The following UXS1 variants were observed in gnomAD, a reference collection of about 807,000 sequenced individuals.
UXS1 encodes the protein UDP-glucuronate decarboxylase 1.
In UXS1, 33 loss-of-function variants were observed where a neutral mutation model predicts 62.6. The observed-to-expected ratio is 0.53, with a 90% CI of 0.40 to 0.70. The LOEUF (loss-of-function observed/expected upper bound fraction) is 0.70. Among genes scored for constraint, UXS1 ranks in the 30% least tolerant of loss-of-function variants. The pLI, the probability that UXS1 is intolerant of heterozygous loss-of-function variation, is 0.00. For missense variants in UXS1, 434 were observed against 556.3 expected (o/e 0.78, Z 2.21); for synonymous variants, 213 against 206.8 (o/e 1.03, Z -0.26).
At chr2:106,126,551 G>A (rs1326406057) in intron 7 of UXS1, among the ~76,000 whole-genome samples, 1 of 152,210 alleles carries the variant, frequency 6.6e-6, no homozygotes, top group Non-Finnish European at 1.5e-5. Context: ...GCTTCTGGGT[G>A]AGGCTGGGTG....
intron 8 of UXS1, 31 bp downstream of exon 8, chr2:106,125,589 T>C: frequency 1.3e-6 from 2 of 1,539,432 alleles, no homozygotes; most frequent in Non-Finnish European, 1.8e-6. Flanking sequence ...AGGGCTGGAG[T>C]GAACATCTCC....
chr2:106,094,006 G>A lies in UXS1; in HGVS notation c.*20C>T. 1 of 1,594,560 alleles carries A rather than the reference G, an allele frequency of 6.3e-7. No homozygotes were observed. Among genetic ancestry groups the A allele is most frequent in the Non-Finnish European group, 8.5e-7 (1 of 1,174,196 alleles). ...CCATCAAGTGTACAATGGTAGTCTT[G>A]TGTCCTAAAAGTGAGGAGTTCAGCT... On this transcript the variant is annotated 3_prime_UTR_variant, in exon 15 of 15. Coordinates refer to ENST00000283148, the MANE Select transcript of UXS1 (RefSeq NM_001253875.2).
At chr2:106,118,778 C>T (rs1012408786) in intron 9 of UXS1, among the ~76,000 whole-genome samples, 12 of 152,184 alleles carry the variant, frequency 7.9e-5, no homozygotes, top group African/African-American at 2.9e-4. Context: ...AGAAATTTTT[C>T]TATAAAAAAA....
intron 4 of UXS1, among the ~76,000 whole-genome samples, chr2:106,158,424 G>A (rs1371010139): frequency 6.6e-6 from 1 of 152,208 alleles, no homozygotes; most frequent in East Asian, 1.9e-4. Flanking sequence ...ACCTCTATTA[G>A]TCCAGATAAA....
intron 1 of UXS1, among the ~76,000 whole-genome samples, chr2:106,182,326 G>A (rs1684296528): frequency 6.6e-6 from 1 of 152,210 alleles, no homozygotes; most frequent in Non-Finnish European, 1.5e-5. Context: ...GCGGGCAGTG[G>A]CTTGAACAAG....
At chr2:106,125,220 T>G (rs1387703963) in intron 8 of UXS1, among the ~76,000 whole-genome samples, 3 of 152,158 alleles carry the variant, frequency 2.0e-5, no homozygotes, top group Non-Finnish European at 4.4e-5. Context: ...CAGCAAGCTT[T>G]AAAGGCCAGC....
Position 106,145,390 on chromosome 2 carries a change from G to A in UXS1, c.292-20C>T. On this transcript the variant is annotated intron_variant, in intron 5 of 14. Coordinates refer to ENST00000283148, the MANE Select transcript of UXS1 (RefSeq NM_001253875.2). ...TGTTATCTGCATCCGGACAGCGTGTGCAGAGCATTCCCAGAAAAAGCACAT... is the reference window on the plus strand; with the variant it reads ...TGTTATCTGCATCCGGACAGCGTGTACAGAGCATTCCCAGAAAAAGCACAT... 6.3e-7 allele frequency: 1 copy of A among 1,599,190 alleles called. No homozygotes were observed. The highest frequency in any genetic ancestry group is 1.3e-5 in the African/African-American group (1 of 74,708).
chr2:106,125,490 A>AGCC (rs1679860686), intron 8 of UXS1, 130 bp downstream of exon 8: 1 of 804,596 alleles, frequency 1.2e-6, no homozygotes, highest in African/African-American at 1.8e-5. Flanking sequence ...GCCGACAGGT[A>AGCC]GCCTCCTGTG....
At chr2:106,139,261 G>A (rs1680901654) in intron 6 of UXS1, among the ~76,000 whole-genome samples, 1 of 152,130 alleles carries the variant, frequency 6.6e-6, no homozygotes, top group South Asian at 2.1e-4. Context: ...CATTTACAAG[G>A]CCACGTGCTG....
At chr2:106,183,240 T>TTAA (rs1447206184) in intron 1 of UXS1, among the ~76,000 whole-genome samples, 10 of 135,938 alleles carry the variant, frequency 7.4e-5, no homozygotes, top group African/African-American at 8.2e-5. Context: ...AAGTCTTTTT[T>TTAA]AAAAAAAAAA....
At chr2:106,104,253 T>C (rs1246512957) in intron 11 of UXS1, among the ~76,000 whole-genome samples, 2 of 152,204 alleles carry the variant, frequency 1.3e-5, no homozygotes, top group Non-Finnish European at 2.9e-5. Flanking sequence ...ACCAACGGAA[T>C]GGAACAACAG....
intron 10 of UXS1, among the ~76,000 whole-genome samples, chr2:106,107,404 C>G (rs1418407101): frequency 2.6e-5 from 4 of 152,234 alleles, no homozygotes; most frequent in African/African-American, 9.7e-5. Context: ...CACCGTCTCT[C>G]AGAGAGGAGC....
At chr2:106,136,965 C>CAAAAAA (rs397701050) in intron 6 of UXS1, among the ~76,000 whole-genome samples, 298 of 53,852 alleles carry the variant, frequency 5.5e-3, no homozygotes, top group Non-Finnish European at 6.6e-3. Flanking sequence ...AGAACACACA[C>CAAAAAA]AAAAAAAAAA....
At chr2:106,120,844 C>T (rs532450031) in intron 9 of UXS1, among the ~76,000 whole-genome samples, 3 of 152,326 alleles carry the variant, frequency 2.0e-5, no homozygotes, top group East Asian at 1.9e-4. Context: ...CCATAGAAGG[C>T]GTATCATGCC....
chr2:106,100,835 G>T, intron 12 of UXS1: 1 of 580,544 alleles, frequency 1.7e-6, no homozygotes, highest in Non-Finnish European at 3.0e-6. Context: ...TCAGAAGGTG[G>T]AGGGACTGAT....
chr2:106,115,583 T>C (rs1678997189), intron 9 of UXS1, among the ~76,000 whole-genome samples: 1 of 152,120 alleles, frequency 6.6e-6, no homozygotes, highest in African/African-American at 2.4e-5. Flanking sequence ...TGCACCAACA[T>C]AGAACCAATG....
intron 10 of UXS1, among the ~76,000 whole-genome samples, chr2:106,111,855 T>C (rs1193477668): frequency 2.0e-5 from 3 of 152,102 alleles, no homozygotes; most frequent in Admixed American, 1.3e-4. Context: ...CAAAATGCCA[T>C]GCTGGAAAGT....
chr2:106,155,850 G>A (rs961699361), intron 5 of UXS1, among the ~76,000 whole-genome samples: 5 of 152,132 alleles, frequency 3.3e-5, no homozygotes, highest in East Asian at 1.9e-4. Flanking sequence ...CTGGACAACC[G>A]GACAGCCATA....
intron 8 of UXS1, among the ~76,000 whole-genome samples, chr2:106,124,802 G>C (rs1679793565): frequency 6.6e-6 from 1 of 152,056 alleles, no homozygotes; most frequent in Non-Finnish European, 1.5e-5. Context: ...AGATTACAAA[G>C]AATATCACTG....
Sources: gnomAD v4.1 joint callset for allele counts (sites outside exome capture counted in the v4.1 genomes callset) on GRCh38, gnomAD v4.1.1 for gene constraint, MANE v1.5 for transcripts, NCBI Gene and HGNC (gene_info 2026-07-23, HGNC 2026-07-21) for gene names.